Variants in TRIQK observed in about 807,000 individuals in gnomAD.
TRIQK encodes the protein triple QxxK/R motif containing, also known as triple QxxK/R motif-containing protein.
A neutral mutation model predicts 10.8 loss-of-function variants in TRIQK; 10 were observed. The observed-to-expected ratio is 0.92, with a 90% CI of 0.57 to 1.57. TRIQK has a LOEUF of 1.57. Among genes scored for constraint, TRIQK ranks in the 40% most tolerant of loss-of-function variants. The pLI, the probability that TRIQK is intolerant of heterozygous loss-of-function variation, is 0.00. For missense variants in TRIQK, 107 were observed against 97.7 expected (o/e 1.09, Z -0.40); for synonymous variants, 33 against 33.7 (o/e 0.98, Z 0.07).
chr8:92,924,350 T>C (rs1475707962), intron 2 of TRIQK, among the ~76,000 whole-genome samples: 1 of 152,050 alleles, frequency 6.6e-6, no homozygotes, highest in Non-Finnish European at 1.5e-5. Context: ...TCCTTAATAT[T>C]AAGAACTATT....
At position 92,988,073 on chromosome 8, in the gene TRIQK, C is replaced by T. The variant is rs1183302481; in HGVS notation, c.-181+29536G>A. Among the ~76,000 whole-genome samples the T allele has an allele frequency of 9.0e-5, 12 of 133,814 alleles. No homozygotes were observed. The East Asian group carries it at 2.7e-3, about 30-fold the overall frequency. 87.8% of individuals were successfully genotyped at this position (133,814 alleles called of 152,430 possible). ...CCAGGCTGGAGTGCAGTGGCGCGAT[C>T]TCGGCTCACTGCAAGCAAGCTCCGC... On this transcript the variant is annotated intron_variant, in intron 1 of 4. Coordinates refer to the TRIQK transcript ENST00000520686.
chr8:92,942,522 G>C (rs1237239822), intron 2 of TRIQK, among the ~76,000 whole-genome samples: 2 of 152,142 alleles, frequency 1.3e-5, no homozygotes, highest in Admixed American at 6.5e-5. Context: ...GTTCAACATA[G>C]TATTGGAAGT....
intron 3 of TRIQK, among the ~76,000 whole-genome samples, chr8:92,907,627 A>T (rs1048073357): frequency 1.1e-4 from 17 of 152,186 alleles, no homozygotes; most frequent in Non-Finnish European, 2.5e-4. Flanking sequence ...ACAAATTCAT[A>T]ATTTTTACTT....
intron 1 of TRIQK, among the ~76,000 whole-genome samples, chr8:92,980,883 T>C (rs1169106787): frequency 6.6e-6 from 1 of 151,458 alleles, no homozygotes; most frequent in Non-Finnish European, 1.5e-5. Context: ...ATTTTTGCCA[T>C]TTCATTTTCA....
intron 3 of TRIQK, among the ~76,000 whole-genome samples, chr8:92,897,497 G>C (rs1808673321): frequency 6.6e-6 from 1 of 152,158 alleles, no homozygotes; most frequent in Admixed American, 6.5e-5. Flanking sequence ...TATCACAGGA[G>C]TGGGCTCATG....
intron 2 of TRIQK, among the ~76,000 whole-genome samples, chr8:92,935,346 C>T (rs977903658): frequency 6.6e-6 from 1 of 151,598 alleles, no homozygotes; most frequent in Non-Finnish European, 1.5e-5. Flanking sequence ...GAAATTATTG[C>T]TAAAATAAAA....
chr8:92,904,824 T>C (rs560709508), intron 3 of TRIQK, among the ~76,000 whole-genome samples: 1 of 152,274 alleles, frequency 6.6e-6, no homozygotes, highest in East Asian at 1.9e-4. Context: ...TTCAGATATA[T>C]ACATAAAAGA....
At chr8:92,898,250 G>T (rs1249368384) in intron 3 of TRIQK, among the ~76,000 whole-genome samples, 1 of 152,036 alleles carries the variant, frequency 6.6e-6, no homozygotes, top group Non-Finnish European at 1.5e-5. Flanking sequence ...TTTCCAGACT[G>T]GTCAAATTGT....
rs922314454 is a variant in TRIQK, at chr8:92,883,740, G to A, written c.*2882C>T. 3 of 151,594 alleles carry A rather than the reference G, an allele frequency of 2.0e-5. No individual in the cohort carries two copies. Among genetic ancestry groups the A allele is most frequent in the Non-Finnish European group, 3.0e-5 (2 of 67,778 alleles). 9.4% of individuals were successfully genotyped at this position (151,594 alleles called of 1,614,324 possible). On this transcript the variant is annotated 3_prime_UTR_variant, in exon 5 of 5. Transcript: ENST00000521988. ...CTCAAGATCTTACAGTCATTGGTTG[G>A]GGTGAAAGTATTTCTTCTGTCTTCA...
At chr8:92,937,145 TA>T (rs1254777142) in intron 2 of TRIQK, among the ~76,000 whole-genome samples, 1 of 151,638 alleles carries the variant, frequency 6.6e-6, no homozygotes, top group East Asian at 1.9e-4. Context: ...AAAAGGAAAA[TA>T]AAACTCTGTA....
rs1276518713 is a variant in TRIQK at position 92,886,686 on chromosome 8, T to C, written c.197A>G (p.Tyr66Cys). 3 of 1,532,336 alleles carry C rather than the reference T, an allele frequency of 2.0e-6. No individual in the cohort carries two copies. The highest frequency in any genetic ancestry group is 2.0e-5 in the Admixed American group (1 of 50,740). 94.9% of individuals were successfully genotyped at this position (1,532,336 alleles called of 1,614,324 possible). Reference protein sequence around the residue: ...AAILALLLAFYAFFYLRLTTD... With the variant: ...AAILALLLAFCAFFYLRLTTD... ...GGTGAGTCTGAGATAAAAGAAAGCATAGAAAGCCAGTAGTAGTGCCAATAT... is the reference window on the plus strand; with the variant it reads ...GGTGAGTCTGAGATAAAAGAAAGCACAGAAAGCCAGTAGTAGTGCCAATAT... The change falls in exon 5 of 5, where the codon TAT (tyrosine) becomes TGT (cysteine). Residue 66 changes from tyrosine to cysteine, a missense_variant. Physicochemically the swap from Tyr to Cys is radical, Grantham distance 194. Transcript: ENST00000521988.
At chr8:92,969,514 G>A (rs1192594521), upstream of TRIQK, among the ~76,000 whole-genome samples, 6 of 150,202 alleles carry the variant, frequency 4.0e-5, no homozygotes, top group Non-Finnish European at 1.5e-5. Context: ...ATGGAATGCA[G>A]TATGCTCTAA....
chr8:92,899,234 A>C (rs2130328969), intron 3 of TRIQK, among the ~76,000 whole-genome samples: 1 of 151,864 alleles, frequency 6.6e-6, no homozygotes, highest in South Asian at 2.1e-4. Context: ...TGCCCACCTT[A>C]GCCTCCCAAA....
At chr8:92,889,078 C>G (rs1246016568) in intron 4 of TRIQK, among the ~76,000 whole-genome samples, 2 of 151,426 alleles carry the variant, frequency 1.3e-5, no homozygotes, top group Non-Finnish European at 1.5e-5. Flanking sequence ...TTCTAAAACA[C>G]AAAAAATAAA....
chr8:92,983,782 C>T (rs1790279544), intron 1 of TRIQK, among the ~76,000 whole-genome samples: 1 of 151,910 alleles, frequency 6.6e-6, no homozygotes, highest in African/African-American at 2.4e-5. Flanking sequence ...GGATAAGGGG[C>T]GAGAGTCCAC....
At chr8:92,943,682 T>C (rs1346141194) in intron 2 of TRIQK, among the ~76,000 whole-genome samples, 1 of 152,032 alleles carries the variant, frequency 6.6e-6, no homozygotes, top group East Asian at 1.9e-4. Context: ...ACAAAATGAA[T>C]TAAAGGCTTA....
chr8:92,985,992 A>G (rs1472687417), intron 1 of TRIQK, among the ~76,000 whole-genome samples: 1 of 152,142 alleles, frequency 6.6e-6, no homozygotes, highest in African/African-American at 2.4e-5. Context: ...ACTTTCCTCT[A>G]TTTGACTAGC....
chr8:92,989,136 T>C (rs1370855987), intron 1 of TRIQK, among the ~76,000 whole-genome samples: 1 of 152,198 alleles, frequency 6.6e-6, no homozygotes, highest in Non-Finnish European at 1.5e-5. Flanking sequence ...GGTTAATCTA[T>C]AAATATGTTT....
chr8:92,895,159 C>T (rs1018710563), intron 3 of TRIQK, among the ~76,000 whole-genome samples: 1 of 152,212 alleles, frequency 6.6e-6, no homozygotes, highest in South Asian at 2.1e-4. Context: ...TGTGCATGCT[C>T]TTTGGCCCTT....
Sources: allele counts gnomAD v4.1 joint callset (sites outside exome capture counted in the v4.1 genomes callset), GRCh38; gene constraint gnomAD v4.1.1; transcripts MANE v1.5; gene names NCBI Gene and HGNC (gene_info 2026-07-23, HGNC 2026-07-21).